The following PRKACB variants were observed in gnomAD, a reference collection of about 807,000 sequenced individuals.
The protein encoded by PRKACB is cAMP-dependent protein kinase catalytic subunit beta.
A neutral mutation model predicts 51.4 loss-of-function variants in PRKACB; 16 were observed. The observed-to-expected ratio is 0.31, with a 90% CI of 0.21 to 0.47. The LOEUF (loss-of-function observed/expected upper bound fraction) is 0.47. Ranked by LOEUF, PRKACB falls within the 20% of genes least tolerant of loss-of-function variation. The pLI is 1.00. For synonymous variants in PRKACB, 147 were observed against 154.4 expected (o/e 0.95, Z 0.35); for missense variants, 309 against 464.5 (o/e 0.67, Z 3.08).
intron 5 of PRKACB, among the ~76,000 whole-genome samples, chr1:84,186,801 A>G (rs1665256379): frequency 6.6e-6 from 1 of 152,082 alleles, no homozygotes; most frequent in Non-Finnish European, 1.5e-5. Context: ...GGCCACATTC[A>G]AGTAACGAGG....
At chr1:84,164,928 C>T (rs1277073915) in intron 1 of PRKACB, 12 of 1,518,456 alleles carry the variant, frequency 7.9e-6, no homozygotes, top group Non-Finnish European at 1.1e-5. Context: ...GGTTCTTCTC[C>T]CTCTAGAGAT....
At chr1:84,183,163 C>T (rs538135022) in intron 3 of PRKACB, among the ~76,000 whole-genome samples, 13 of 152,098 alleles carry the variant, frequency 8.5e-5, no homozygotes, top group Non-Finnish European at 1.8e-4. Context: ...GACCATTAGA[C>T]TCCAGCAAGA....
intron 1 of PRKACB, among the ~76,000 whole-genome samples, chr1:84,136,495 C>CACACACACACACA (rs1184954086): frequency 5.3e-5 from 8 of 151,274 alleles, no homozygotes; most frequent in Non-Finnish European, 1.2e-4. Flanking sequence ...CAAAACCACA[C>CACACACACACACA]ACACACACAC....
intron 1 of PRKACB, among the ~76,000 whole-genome samples, chr1:84,119,536 T>G (rs1222558261): frequency 6.6e-6 from 1 of 152,050 alleles, no homozygotes; most frequent in East Asian, 1.9e-4. Flanking sequence ...ATGAAAACAC[T>G]CAACTTCTAC....
intron 1 of PRKACB, among the ~76,000 whole-genome samples, chr1:84,122,126 G>A (rs1651136763): frequency 6.6e-6 from 1 of 152,024 alleles, no homozygotes; most frequent in South Asian, 2.1e-4. Flanking sequence ...TGAATGTGTT[G>A]CATACCTCAT....
At chr1:84,164,815 AG>A in intron 1 of PRKACB, 1 of 1,382,344 alleles carries the variant, frequency 7.2e-7, no homozygotes, top group Non-Finnish European at 9.4e-7. Context: ...ATCTCATGCT[AG>A]GCAGTTATGC....
At chr1:84,156,222 C>T (rs925706812) in intron 1 of PRKACB, among the ~76,000 whole-genome samples, 27 of 152,128 alleles carry the variant, frequency 1.8e-4, no homozygotes, top group African/African-American at 6.5e-4. Flanking sequence ...TCTTGAACTC[C>T]TGGGGTCAAG....
At chr1:84,216,347 A>C (rs534991020) in intron 9 of PRKACB, among the ~76,000 whole-genome samples, 1 of 152,058 alleles carries the variant, frequency 6.6e-6, no homozygotes, top group Non-Finnish European at 1.5e-5. Context: ...TCAAAGAAAT[A>C]AATAAATAAA....
At chr1:84,087,205 G>A (rs962165577) in intron 1 of PRKACB, among the ~76,000 whole-genome samples, 1 of 152,226 alleles carries the variant, frequency 6.6e-6, no homozygotes, top group Non-Finnish European at 1.5e-5. Flanking sequence ...AGCATGGGAA[G>A]TCTATTCTGT....
intron 1 of PRKACB, among the ~76,000 whole-genome samples, chr1:84,090,241 T>C (rs1194580731): frequency 1.3e-5 from 2 of 152,184 alleles, no homozygotes; most frequent in Non-Finnish European, 2.9e-5. Flanking sequence ...TATTATGTCA[T>C]ATTTTACAAG....
At chr1:84,209,179 C>T (rs1216489954) in intron 8 of PRKACB, among the ~76,000 whole-genome samples, 2 of 152,190 alleles carry the variant, frequency 1.3e-5, no homozygotes, top group Admixed American at 6.5e-5. Flanking sequence ...TCTTTCTATG[C>T]ACTTCCTCAA....
At chr1:84,098,481 T>C (rs1341916568) in intron 1 of PRKACB, among the ~76,000 whole-genome samples, 1 of 152,088 alleles carries the variant, frequency 6.6e-6, no homozygotes, top group Non-Finnish European at 1.5e-5. Context: ...TCTGCTTGCA[T>C]GTCTCAGAGC....
At chr1:84,168,010 G>A (rs1295290716) in intron 1 of PRKACB, among the ~76,000 whole-genome samples, 1 of 151,470 alleles carries the variant, frequency 6.6e-6, no homozygotes, top group Non-Finnish European at 1.5e-5. Flanking sequence ...AGCAAACAAG[G>A]TCTATAAAGA....
chr1:84,221,011 A>G (rs1202866910), intron 9 of PRKACB, among the ~76,000 whole-genome samples: 1 of 152,120 alleles, frequency 6.6e-6, no homozygotes, highest in Non-Finnish European at 1.5e-5. Flanking sequence ...TTTGAGATGA[A>G]TTGATGCTAG....
At chr1:84,193,809 C>T (rs1051878519) in intron 5 of PRKACB, among the ~76,000 whole-genome samples, 18 of 152,198 alleles carry the variant, frequency 1.2e-4, no homozygotes, top group Non-Finnish European at 2.4e-4. Flanking sequence ...AAAAATGACC[C>T]AACTTACACA....
At position 84,164,536 on chromosome 1, in the gene PRKACB, A is replaced by G; in HGVS notation, c.188-14641A>G. Reference sequence around the variant, plus strand: ...ATTTATAATCATGTGGCTCTAAAATAAAAAGGTATTTTATTTGTCTGGTGG... The same window carrying G: ...ATTTATAATCATGTGGCTCTAAAATGAAAAGGTATTTTATTTGTCTGGTGG... On this transcript the variant is annotated intron_variant, in intron 1 of 9. Coordinates refer to ENST00000370685, the MANE Select transcript of PRKACB (RefSeq NM_182948.4). The G allele has an allele frequency of 2.7e-6, 4 of 1,462,148 alleles. No individual in the cohort carries two copies. The South Asian group carries it at 3.8e-5, about 14-fold the overall frequency. 90.6% of individuals were successfully genotyped at this position (1,462,148 alleles called of 1,614,324 possible).
intron 9 of PRKACB, among the ~76,000 whole-genome samples, chr1:84,216,322 G>A (rs988274330): frequency 6.6e-6 from 1 of 151,948 alleles, no homozygotes; most frequent in Admixed American, 6.6e-5. Flanking sequence ...CTGGGTGACA[G>A]AACAAGACCC....
intron 9 of PRKACB, among the ~76,000 whole-genome samples, chr1:84,217,097 C>T (rs577190021): frequency 6.6e-6 from 1 of 152,228 alleles, no homozygotes; most frequent in East Asian, 1.9e-4. Flanking sequence ...ACGATTTAAC[C>T]TCTCTAAAGC....
rs1203914908 is a variant in PRKACB at position 84,236,381 on chromosome 1, TA to T, written c.*1081del. ...TACATTTGTTTTGTTTTGTAACCGTTAAAAAGAAGTTGTTTCCAGCTAATTA... is the reference window on the plus strand; with the variant it reads ...TACATTTGTTTTGTTTTGTAACCGTTAAAAGAAGTTGTTTCCAGCTAATTA... On this transcript the variant is annotated 3_prime_UTR_variant, in exon 10 of 10. Transcript: ENST00000370685. The T allele has an allele frequency of 2.0e-5, 3 of 152,610 alleles. No homozygotes were observed. The highest frequency in any genetic ancestry group is 2.0e-4 in the Admixed American group (3 of 15,276). The allele number at this position is 152,610 out of a possible 1,614,324, so 9.5% of individuals were successfully genotyped here. A position where few individuals can be genotyped will look rare whatever the true frequency, so the allele number is the denominator to read the frequency against.
Sources: gnomAD v4.1 joint callset for allele counts (sites outside exome capture counted in the v4.1 genomes callset) on GRCh38, gnomAD v4.1.1 for gene constraint, MANE v1.5 for transcripts, NCBI Gene and HGNC (gene_info 2026-07-23, HGNC 2026-07-21) for gene names.